CDH18: variants seen among roughly 807,000 people sequenced by gnomAD.
CDH18 encodes the protein cadherin-18.
A neutral mutation model predicts 67.9 loss-of-function variants in CDH18; 31 were observed. That is an observed-to-expected ratio of 0.46 (90% confidence interval 0.34 to 0.62). The LOEUF (loss-of-function observed/expected upper bound fraction) is 0.62, where lower values mean the gene tolerates loss of function less well. Among genes scored for constraint, CDH18 ranks in the 20% least tolerant of loss-of-function variants. The pLI is 0.01. For missense variants in CDH18, 890 were observed against 975.5 expected, an observed-to-expected ratio of 0.91 and a Z score of 1.17; for synonymous variants, 362 against 347.2, an observed-to-expected ratio of 1.04 and a Z score of -0.48.
At chr5:20,199,769 A>T (rs1209260644) in intron 2 of CDH18, among the ~76,000 whole-genome samples, 1 of 152,054 alleles carries the variant, frequency 6.6e-6, no homozygotes, top group African/African-American at 2.4e-5. Context: ...ACCCAATAGG[A>T]GGTAATTGAA....
intron 2 of CDH18, among the ~76,000 whole-genome samples, chr5:20,238,502 C>T (rs978294275): frequency 7.2e-5 from 11 of 151,978 alleles, no homozygotes; most frequent in Admixed American, 2.0e-4. Flanking sequence ...AAAACTGCAA[C>T]GAGATACTTT....
chr5:19,502,220 A>G (rs1000784089), intron 11 of CDH18, among the ~76,000 whole-genome samples: 1 of 152,180 alleles, frequency 6.6e-6, no homozygotes, highest in Non-Finnish European at 1.5e-5. Flanking sequence ...ATTCTGAGGC[A>G]AGTGTTAAAT....
chr5:20,274,681 T>C (rs1450177094), intron 1 of CDH18, among the ~76,000 whole-genome samples: 3 of 152,136 alleles, frequency 2.0e-5, no homozygotes, highest in African/African-American at 7.2e-5. Flanking sequence ...ACTAGGAAGA[T>C]AAGAATATAT....
intron 9 of CDH18, among the ~76,000 whole-genome samples, chr5:19,527,895 T>C (rs1184818506): frequency 6.6e-6 from 1 of 151,746 alleles, no homozygotes; most frequent in East Asian, 1.9e-4. Flanking sequence ...CTTATATATA[T>C]CATTAATATT....
chr5:20,421,202 T>A, intron 1 of CDH18, among the ~76,000 whole-genome samples: 1 of 151,234 alleles, frequency 6.6e-6, no homozygotes, highest in Middle Eastern at 3.4e-3. Context: ...CATCAGCATA[T>A]TCAGGAGCAG....
At chr5:19,917,146 G>C (rs1791893089) in intron 2 of CDH18, among the ~76,000 whole-genome samples, 1 of 152,114 alleles carries the variant, frequency 6.6e-6, no homozygotes, top group African/African-American at 2.4e-5. Context: ...TTTGAGAAAA[G>C]TGATACATAG....
Position 19,704,540 on chromosome 5 carries a change from T to C in CDH18, c.643+16807A>G, listed in dbSNP as rs569285241. ...CCCTGGTATGGGACGAGGAAAAAAA[T>C]TGCAAGATTTGAAGGAATTGCGTCA... On this transcript the variant is annotated intron_variant, in intron 5 of 12. Coordinates refer to ENST00000382275, the MANE Select transcript of CDH18 (RefSeq NM_004934.5). Among the ~76,000 whole-genome samples the C allele has an allele frequency of 3.9e-5, 6 of 152,162 alleles. No homozygotes were observed. In the East Asian group the frequency reaches 5.8e-4, roughly 15 times the overall value.
In CDH18 at chr5:20,024,827, A is replaced by C. The variant is rs113785000; in HGVS notation, c.-517-32813T>G. The stretch of plus-strand genomic sequence containing the variant: ...AACATGGTGGGGGCTAAAGCCATGT[A>C]GAATACTTAGAAGCAATTATTCCAG... On this transcript the variant is annotated intron_variant, in intron 2 of 14. Transcript: ENST00000507958. 9.6e-3 allele frequency among the ~76,000 whole-genome samples: 1,462 copies of C among 152,282 alleles called. 28 individuals are homozygous for C. Among genetic ancestry groups the C allele is most frequent in the African/African-American group, 0.032 (1,345 of 41,550 alleles).
At chr5:19,865,344 T>C (rs550353588) in intron 2 of CDH18, among the ~76,000 whole-genome samples, 2 of 152,302 alleles carry the variant, frequency 1.3e-5, no homozygotes, top group East Asian at 3.9e-4. Context: ...CTGCTTGATG[T>C]ACATTTTACA....
intron 10 of CDH18, among the ~76,000 whole-genome samples, chr5:19,508,849 GTTCT>G (rs1457638916): frequency 1.4e-5 from 2 of 145,972 alleles, no homozygotes; most frequent in East Asian, 2.0e-4. Flanking sequence ...TAAAAAGGAA[GTTCT>G]TTCTTTCTTT....
intron 3 of CDH18, among the ~76,000 whole-genome samples, chr5:19,803,297 T>C (rs1421017761): frequency 1.3e-5 from 2 of 152,244 alleles, no homozygotes; most frequent in Non-Finnish European, 2.9e-5. Flanking sequence ...TTATGTGACC[T>C]TTACAGACTC....
At chr5:19,705,246 T>C (rs6868921) in intron 5 of CDH18, among the ~76,000 whole-genome samples, 150 of 152,310 alleles carry the variant, frequency 9.8e-4, no homozygotes, top group African/African-American at 3.1e-3. Flanking sequence ...GGTTTAATTA[T>C]AGCTCTGGAC....
intron 12 of CDH18, among the ~76,000 whole-genome samples, chr5:19,479,637 A>T (rs586290): frequency 0.3 from 45,808 of 151,944 alleles, 7,013 homozygotes; most frequent in South Asian, 0.33. Flanking sequence ...ACGTGTTCAC[A>T]CCAAACCCAC....
rs115082228 is a variant in CDH18 at position 20,524,032 on chromosome 5, G to A, written c.-580+51430C>T. ...GAAACTCACCTATTTTGTGTTAAAC[G>A]GAGATAAATTTTTATTGTATTTTAT... On this transcript the variant is annotated intron_variant, in intron 1 of 14. Coordinates refer to the CDH18 transcript ENST00000507958. Among the ~76,000 whole-genome samples the A allele has an allele frequency of 2.0e-4, 31 of 152,162 alleles. 1 individual carries two copies. Among genetic ancestry groups the A allele is most frequent in the Middle Eastern group, 3.4e-3 (1 of 294 alleles).
chr5:20,031,120 T>C (rs553038849), intron 2 of CDH18, among the ~76,000 whole-genome samples: 2 of 152,164 alleles, frequency 1.3e-5, no homozygotes, highest in East Asian at 3.9e-4. Flanking sequence ...TGCGCCAGTG[T>C]TTTTAGCAGA....
At chr5:20,311,691 G>C (rs1209855671) in intron 1 of CDH18, among the ~76,000 whole-genome samples, 1 of 152,078 alleles carries the variant, frequency 6.6e-6, no homozygotes, top group Non-Finnish European at 1.5e-5. Context: ...AATTCCTAAT[G>C]TAGATGATGA....
At chr5:20,475,526 C>T (rs945218430) in intron 1 of CDH18, among the ~76,000 whole-genome samples, 8 of 152,062 alleles carry the variant, frequency 5.3e-5, no homozygotes, top group African/African-American at 1.7e-4. Context: ...ATTATAAATT[C>T]AACTGATTAG....
chr5:19,843,403 T>C (rs762620685), intron 2 of CDH18, among the ~76,000 whole-genome samples: 1 of 152,188 alleles, frequency 6.6e-6, no homozygotes, highest in Non-Finnish European at 1.5e-5. Flanking sequence ...TACATGGTGT[T>C]GGGCTTGCGG....
chr5:19,637,756 C>T lies in CDH18; in HGVS notation c.644-25155G>A, dbSNP rs1226686255. Among the ~76,000 whole-genome samples the T allele has an allele frequency of 2.0e-5, 3 of 152,114 alleles. No homozygotes were observed. In the East Asian group the frequency reaches 5.8e-4, roughly 29 times the overall value. On this transcript the variant is annotated intron_variant, in intron 5 of 12. Coordinates refer to ENST00000382275, the MANE Select transcript of CDH18 (RefSeq NM_004934.5). ...ATGTCTCCTATTAGTAATTTTCCAT[C>T]CAGTGACCTCTTGCTTTTCCTCACC...
Sources: allele counts gnomAD v4.1 joint callset (sites outside exome capture counted in the v4.1 genomes callset), GRCh38; gene constraint gnomAD v4.1.1; transcripts MANE v1.5; gene names NCBI Gene and HGNC (gene_info 2026-07-23, HGNC 2026-07-21).